Variants in ITIH5 observed in about 807,000 individuals in gnomAD.
The protein encoded by ITIH5 is inter-alpha-trypsin inhibitor heavy chain H5.
A neutral mutation model predicts 77.5 loss-of-function variants in ITIH5; 65 were observed. That is an observed-to-expected ratio of 0.84 (90% CI 0.69 to 1.03). ITIH5 has a LOEUF of 1.03. Among genes scored for constraint, ITIH5 ranks in the 50% least tolerant of loss-of-function variants. The pLI, the probability that ITIH5 is intolerant of heterozygous loss-of-function variation, is 0.00. For synonymous variants in ITIH5, 525 were observed against 494.3 expected (o/e 1.06, Z -0.82); for missense variants, 1,208 against 1,213.1 (o/e 1.00, Z 0.06).
chr10:7,640,481 A>G (rs1833867362), intron 4 of ITIH5, among the ~76,000 whole-genome samples: 1 of 151,846 alleles, frequency 6.6e-6, no homozygotes, highest in Admixed American at 6.6e-5. Flanking sequence ...ATTCCAAAAA[A>G]AAAAAAAAAA....
At chr10:7,622,272 A>T (rs1482385877) in intron 5 of ITIH5, 4 of 152,228 alleles carry the variant, frequency 2.6e-5, no homozygotes, top group Non-Finnish European at 5.9e-5. Flanking sequence ...CAAACTACAG[A>T]ATACCAAAGA....
intron 5 of ITIH5, among the ~76,000 whole-genome samples, chr10:7,628,488 G>A (rs140123948): frequency 1.2e-3 from 178 of 152,324 alleles, no homozygotes; most frequent in African/African-American, 4.1e-3. Context: ...ATGTGTCTGT[G>A]TTATAGTGTG....
Position 7,563,090 on chromosome 10 carries a change from T to A in ITIH5, c.2822A>T (p.Glu941Val), listed in dbSNP as rs1832069230. Reference sequence around the variant, plus strand: ...TCTTTAAGGCTGCCAGCTTCAGAGCTCCCTGGACATTCCCCGGCCAAGTGT... The same window carrying A: ...TCTTTAAGGCTGCCAGCTTCAGAGCACCCTGGACATTCCCCGGCCAAGTGT... ...GMTLGRGMSR[E>V]L Residue 941 changes from glutamate (E) to valine (V), a missense_variant, in exon 14 of 14, where the codon GAG (glutamate) becomes GTG (valine). By Grantham distance (121) the Glu-to-Val change is moderately radical (BLOSUM62 -2). Transcript: ENST00000397146. 1 of 1,612,484 alleles carries A rather than the reference T, an allele frequency of 6.2e-7. No homozygotes were observed. Among genetic ancestry groups the A allele is most frequent in the East Asian group, 2.2e-5 (1 of 44,882 alleles).
chr10:7,580,512 C>A (rs1832528414), intron 8 of ITIH5, among the ~76,000 whole-genome samples: 1 of 152,208 alleles, frequency 6.6e-6, no homozygotes, highest in Admixed American at 6.5e-5. Flanking sequence ...TTGCTAAAAG[C>A]AAGTGCATTT....
At chr10:7,592,526 T>C (rs1204575161) in intron 7 of ITIH5, among the ~76,000 whole-genome samples, 8 of 148,388 alleles carry the variant, frequency 5.4e-5, no homozygotes, top group Non-Finnish European at 1.2e-4. Flanking sequence ...AAGAGGAAAA[T>C]AGAGGGGAGG....
At chr10:7,580,146 A>C (rs896491092) in intron 8 of ITIH5, 82 bp from the exon 9 acceptor site, 1 of 1,204,686 alleles carries the variant, frequency 8.3e-7, no homozygotes, top group Non-Finnish European at 1.2e-6. Context: ...TTTGAGACGG[A>C]GTCTTGCTCT....
chr10:7,576,306 G>T, intron 10 of ITIH5, 147 bp downstream of exon 10: 1 of 738,994 alleles, frequency 1.4e-6, no homozygotes, highest in Non-Finnish European at 2.1e-6. Context: ...TTACAGGTGT[G>T]AGCTACTATA....
At chr10:7,572,771 C>CTTTTT (rs528912890) in intron 11 of ITIH5, 2,138 of 88,066 alleles carry the variant, frequency 0.024, 88 homozygotes, top group Non-Finnish European at 0.029. Flanking sequence ...TGGTTTTACA[C>CTTTTT]TTTTTTTTTT....
Position 7,637,323 on chromosome 10 carries a change from C to G in ITIH5, c.557G>C (p.Ser186Thr), listed in dbSNP as rs1220681711. 1 of 1,613,946 alleles carries G rather than the reference C, an allele frequency of 6.2e-7. No homozygotes were observed. The highest frequency in any genetic ancestry group is 1.3e-5 in the African/African-American group (1 of 74,940). The change falls in exon 5 of 14, where the codon AGC (serine) becomes ACC (threonine). Residue 186 changes from serine (S) to threonine (T), a missense_variant. Physicochemically the swap from Ser to Thr is moderately conservative, Grantham distance 58 (BLOSUM62 1). Coordinates refer to ENST00000397146, the MANE Select transcript of ITIH5 (RefSeq NM_030569.7). Reference sequence around the variant, plus strand: ...GCTCTCCAGGATATTCACGTCCACGCTCAGCCTCCCGGACAGCTGCTGGGG... The same window carrying G: ...GCTCTCCAGGATATTCACGTCCACGGTCAGCCTCCCGGACAGCTGCTGGGG... ...VRPQQLSGRL[S>T]VDVNILESAG...
intron 5 of ITIH5, among the ~76,000 whole-genome samples, chr10:7,635,653 T>G (rs1242076036): frequency 6.6e-6 from 1 of 152,184 alleles, no homozygotes; most frequent in Non-Finnish European, 1.5e-5. Flanking sequence ...AAACGCTCAG[T>G]CTGTGAGAGT....
At chr10:7,583,153 G>A (rs764821359) in intron 8 of ITIH5, among the ~76,000 whole-genome samples, 5 of 151,932 alleles carry the variant, frequency 3.3e-5, no homozygotes, top group Non-Finnish European at 7.4e-5. Context: ...AAATTAAAAT[G>A]TACCGCATCT....
intron 7 of ITIH5, among the ~76,000 whole-genome samples, chr10:7,597,044 C>CAAAAAAAAAAAAAAAAAA (rs71383924): frequency 0.017 from 634 of 36,854 alleles, 117 homozygotes; most frequent in Middle Eastern, 0.036. Context: ...GTCTCCAACT[C>CAAAAAAAAAAAAAAAAAA]AAAAAAAAAA....
At chr10:7,596,010 T>TAAA (rs1832887890) in intron 7 of ITIH5, among the ~76,000 whole-genome samples, 1 of 152,148 alleles carries the variant, frequency 6.6e-6, no homozygotes, top group African/African-American at 2.4e-5. Context: ...TCCGTCTAAA[T>TAAA]TAATAAATAA....
intron 12 of ITIH5, among the ~76,000 whole-genome samples, chr10:7,569,000 TTTTC>T (rs1436710874): frequency 3.2e-4 from 42 of 131,046 alleles, no homozygotes; most frequent in East Asian, 7.1e-4. Context: ...TCTTTTCTTT[TTTTC>T]TTTTTCTTTT....
At chr10:7,587,173 C>T (rs1832696491) in intron 7 of ITIH5, among the ~76,000 whole-genome samples, 1 of 152,092 alleles carries the variant, frequency 6.6e-6, no homozygotes, top group African/African-American at 2.4e-5. Context: ...TGAGCAAAGC[C>T]AGGAAGTAAT....
chr10:7,632,549 T>A (rs1170539909), intron 5 of ITIH5, among the ~76,000 whole-genome samples: 1 of 152,180 alleles, frequency 6.6e-6, no homozygotes, highest in African/African-American at 2.4e-5. Flanking sequence ...AAAAAAATAA[T>A]CAGCATTATT....
chr10:7,642,113 T>C, intron 2 of ITIH5, 23 bp from the exon 3 acceptor site: 1 of 1,603,452 alleles, frequency 6.2e-7, no homozygotes, highest in South Asian at 1.1e-5. Context: ...AAACACACAG[T>C]ATCATCGGTG....
chr10:7,613,034 T>C (rs189792142), intron 7 of ITIH5, among the ~76,000 whole-genome samples: 9 of 152,168 alleles, frequency 5.9e-5, no homozygotes, highest in South Asian at 2.1e-4. Flanking sequence ...TACCTGAGGT[T>C]AGGAGTTCGA....
chr10:7,565,280 TAC>T (rs1832125291), intron 13 of ITIH5, among the ~76,000 whole-genome samples: 1 of 143,386 alleles, frequency 7.0e-6, no homozygotes, highest in African/African-American at 2.5e-5. Context: ...TGTACATATA[TAC>T]ACACACCATA....
Sources: allele counts gnomAD v4.1 joint callset (sites outside exome capture counted in the v4.1 genomes callset), GRCh38; gene constraint gnomAD v4.1.1; transcripts MANE v1.5; gene names NCBI Gene and HGNC (gene_info 2026-07-23, HGNC 2026-07-21).